CASZ1: variants seen among roughly 807,000 people sequenced by gnomAD.
CASZ1 encodes the protein zinc finger protein castor homolog 1.
A neutral mutation model predicts 135.2 loss-of-function variants in CASZ1; 28 were observed. The ratio of observed to expected loss-of-function variants is 0.21; its 90% CI spans 0.15 to 0.28. The LOEUF (loss-of-function observed/expected upper bound fraction) is 0.28, where lower values mean the gene tolerates loss of function less well. Among genes scored for constraint, CASZ1 ranks in the 10% least tolerant of loss-of-function variants. CASZ1 has a pLI of 1.00. For synonymous variants in CASZ1, 1,068 were observed against 1,073.4 expected (o/e 0.99, Z 0.10); for missense variants, 2,161 against 2,453.3 (o/e 0.88, Z 2.52).
chr1:10,661,044 C>T (rs1224638356), intron 5 of CASZ1: 1 of 184,724 alleles, frequency 5.4e-6, no homozygotes, highest in Non-Finnish European at 1.1e-5. Flanking sequence ...CCTCCCTTGA[C>T]CCCACAAATG....
chr1:10,642,757 G>A lies in CASZ1; in HGVS notation c.4162+102C>T, dbSNP rs35619052. On this transcript the variant is annotated intron_variant, in intron 20 of 20. Transcript: ENST00000377022. ...TGCTGCACGCCAGCCTGTCCTCCTC[G>A]GAGGCCGCGTGCCCCGGACCTTCTG... 344,126 of 1,348,820 alleles carry A rather than the reference G, an allele frequency of 0.26. 48,223 individuals are homozygous for A. Among genetic ancestry groups the A allele is most frequent in the Non-Finnish European group, 0.29 (287,473 of 993,974 alleles). 83.6% of individuals were successfully genotyped at this position (1,348,820 alleles called of 1,614,324 possible).
Position 10,719,446 on chromosome 1 carries a change from T to A in CASZ1, c.-76-13902A>T, listed in dbSNP as rs1639455825. On this transcript the variant is annotated intron_variant, in intron 2 of 20. Transcript: ENST00000377022. This position sits in a 1 kb window ranked among gnomAD's most constrained non-coding sequence, Gnocchi z 4.0. ...CAAGGGACCCTGAAATTCAAGGTGA[T>A]GTCCTAAGGCTGCACACGCCATGCA... is the stretch of plus-strand genomic sequence containing the variant. Among the ~76,000 whole-genome samples the A allele has an allele frequency of 6.6e-6, 1 of 152,326 alleles. No homozygotes were observed. The highest frequency in any genetic ancestry group is 3.4e-3 in the Middle Eastern group (1 of 294).
chr1:10,723,806 C>T (rs955987478), intron 2 of CASZ1, among the ~76,000 whole-genome samples: 3 of 152,186 alleles, frequency 2.0e-5, no homozygotes, highest in Admixed American at 1.3e-4. Flanking sequence ...ACATTTCCCT[C>T]TAACTCCCCC....
chr1:10,674,636 C>T (rs569782160), intron 4 of CASZ1, among the ~76,000 whole-genome samples: 11 of 152,220 alleles, frequency 7.2e-5, no homozygotes, highest in Admixed American at 5.9e-4. Flanking sequence ...GCAGAGCACA[C>T]GGTGCCTCCC....
chr1:10,683,372 C>T (rs1271506785), intron 4 of CASZ1, among the ~76,000 whole-genome samples: 1 of 152,186 alleles, frequency 6.6e-6, no homozygotes, highest in Non-Finnish European at 1.5e-5. Context: ...CAGCCTAAAA[C>T]CCCACCTGGG....
At chr1:10,640,370 G>A (rs1339239103) in intron 20 of CASZ1, among the ~76,000 whole-genome samples, 1 of 152,232 alleles carries the variant, frequency 6.6e-6, no homozygotes, top group Non-Finnish European at 1.5e-5. Flanking sequence ...GGTGGGAAGT[G>A]AGGACACGTC....
rs1297410816 is a variant in CASZ1 at position 10,709,853 on chromosome 1, C to T, written c.-76-4309G>A. On this transcript the variant is annotated intron_variant, in intron 2 of 20. Transcript: ENST00000377022. The surrounding 1 kb of genome is among the most constrained non-coding windows in gnomAD (Gnocchi z 5.1). Reference sequence around the variant, plus strand: ...GCAGTTAGCAGGACAATGAGGGGGCCGGCGGCCCGCACAGGCCAGCAGGTG... The same window carrying T: ...GCAGTTAGCAGGACAATGAGGGGGCTGGCGGCCCGCACAGGCCAGCAGGTG... Among the ~76,000 whole-genome samples, 1 of 152,130 alleles carries T rather than the reference C, an allele frequency of 6.6e-6. No individual in the cohort carries two copies. The highest frequency in any genetic ancestry group is 1.5e-5 in the Non-Finnish European group (1 of 68,018).
intron 1 of CASZ1, among the ~76,000 whole-genome samples, chr1:10,786,735 A>G (rs992701220): frequency 3.3e-5 from 5 of 152,170 alleles, no homozygotes; most frequent in East Asian, 1.9e-4. Flanking sequence ...CACCATCTAC[A>G]CTATATACAG....
In CASZ1 at chr1:10,694,410, G is replaced by A; in HGVS notation, c.-23-498C>T. 1 of 735,138 alleles carries A rather than the reference G, an allele frequency of 1.4e-6. No homozygotes were observed. Among genetic ancestry groups the A allele is most frequent in the Non-Finnish European group, 1.8e-6 (1 of 555,734 alleles). 45.5% of individuals were successfully genotyped at this position (735,138 alleles called of 1,614,324 possible). ...GAATAACAAGTTGTTTTAAAGCCCTGATGTCATTGCTCCTGCCGGTAACAC... is the reference window on the plus strand; with the variant it reads ...GAATAACAAGTTGTTTTAAAGCCCTAATGTCATTGCTCCTGCCGGTAACAC... On this transcript the variant is annotated intron_variant, in intron 3 of 20. Transcript: ENST00000377022. The surrounding 1 kb of genome is among the most constrained non-coding windows in gnomAD (Gnocchi z 6.6).
In CASZ1 at chr1:10,695,743, G is replaced by A. The variant is rs1255002137; in HGVS notation, c.-23-1831C>T. Among the ~76,000 whole-genome samples the A allele has an allele frequency of 2.0e-5, 3 of 152,114 alleles. No individual in the cohort carries two copies. In the East Asian group the frequency reaches 5.8e-4, roughly 29 times the overall value. ...GAGGGTTCTCCCCTCCATGAACCGT[G>A]CACCATGGGACATCCCCAGATGTCC... On this transcript the variant is annotated intron_variant, in intron 3 of 20. Coordinates refer to ENST00000377022, the MANE Select transcript of CASZ1 (RefSeq NM_001079843.3).
chr1:10,722,542 T>C (rs1478242097), intron 2 of CASZ1, among the ~76,000 whole-genome samples: 1 of 152,186 alleles, frequency 6.6e-6, no homozygotes, highest in Non-Finnish European at 1.5e-5. Context: ...TATCTTCCTA[T>C]CACCTTCCCA....
rs1338525831 is a variant in CASZ1 at position 10,794,521 on chromosome 1, G to A, written c.-234+2043C>T. Reference sequence around the variant, plus strand: ...GGAGAGGCGCTACTGCCGCTTTTCCGGTGGGCACGCACCCGCACCCGCACC... The same window carrying A: ...GGAGAGGCGCTACTGCCGCTTTTCCAGTGGGCACGCACCCGCACCCGCACC... On this transcript the variant is annotated intron_variant, in intron 1 of 20. Transcript: ENST00000377022. This position sits in a 1 kb window ranked among gnomAD's most constrained non-coding sequence, Gnocchi z 5.6. Among the ~76,000 whole-genome samples, 1 of 152,106 alleles carries A rather than the reference G, an allele frequency of 6.6e-6. No individual in the cohort carries two copies. Among genetic ancestry groups the A allele is most frequent in the Non-Finnish European group, 1.5e-5 (1 of 68,014 alleles).
chr1:10,771,669 C>CTCCTCCTCCTCCTCT (rs1179135441), intron 1 of CASZ1, among the ~76,000 whole-genome samples: 1 of 152,050 alleles, frequency 6.6e-6, no homozygotes, highest in Non-Finnish European at 1.5e-5. Flanking sequence ...CCTCCTCCTC[C>CTCCTCCTCCTCCTCT]TCCTCCTCCT....
intron 2 of CASZ1, among the ~76,000 whole-genome samples, chr1:10,716,037 A>ACCCACAGCACCCAATCCGCAC (rs1287859641): frequency 8.4e-4 from 12 of 14,264 alleles, no homozygotes; most frequent in Non-Finnish European, 1.7e-3. Flanking sequence ...CCAATCCACA[A>ACCCACAGCACCCAATCCGCAC]CCCACAGCAC....
rs1232820889 is a variant in CASZ1 at position 10,679,026 on chromosome 1, G to A, written c.17-13455C>T. ...GTGAGCCAGCCCACCCCTGGCTTCCGCTCTCTGGCTATCTCTGGCCTATGC... is the reference window on the plus strand; with the variant it reads ...GTGAGCCAGCCCACCCCTGGCTTCCACTCTCTGGCTATCTCTGGCCTATGC... On this transcript the variant is annotated intron_variant, in intron 4 of 20. Coordinates refer to ENST00000377022, the MANE Select transcript of CASZ1 (RefSeq NM_001079843.3). The surrounding 1 kb of genome is among the most constrained non-coding windows in gnomAD (Gnocchi z 4.7). Among the ~76,000 whole-genome samples the A allele has an allele frequency of 2.0e-5, 3 of 152,010 alleles. No individual in the cohort carries two copies. Among genetic ancestry groups the A allele is most frequent in the African/African-American group, 4.8e-5 (2 of 41,384 alleles).
At chr1:10,651,771 C>T (rs1642597777) in intron 11 of CASZ1, 1 of 152,270 alleles carries the variant, frequency 6.6e-6, no homozygotes. Flanking sequence ...TATGAATTTG[C>T]CCCAAGGTGC....
chr1:10,645,015 G>A lies in CASZ1; in HGVS notation c.3770C>T (p.Thr1257Ile), dbSNP rs1570400287. The change falls in exon 18 of 21, where the codon ACC becomes ATC. Residue 1257 changes from threonine (T) to isoleucine (I), a missense_variant. By Grantham distance (89) the Thr-to-Ile change is moderately conservative (BLOSUM62 -1). Around this residue, in one of 7 missense-constraint regions of CASZ1, gnomAD observed 349 missense variants for 460.8 expected, o/e 0.76. Transcript: ENST00000377022. ...TGCYFVTNIT[T>I]KLPWHIKKHE... ...CTTCTTGATGTGCCAGGGGAGCTTG[G>A]TGGTGATGTTGGTCACAAAATAGCA... is the stretch of plus-strand genomic sequence containing the variant. 1 of 1,614,090 alleles carries A rather than the reference G, an allele frequency of 6.2e-7. No homozygotes were observed. The highest frequency in any genetic ancestry group is 8.5e-7 in the Non-Finnish European group (1 of 1,180,024).
intron 1 of CASZ1, among the ~76,000 whole-genome samples, chr1:10,766,054 T>G (rs1640469264): frequency 1.3e-5 from 2 of 151,604 alleles, no homozygotes; most frequent in African/African-American, 4.9e-5. Flanking sequence ...GAAGCTTGGG[T>G]GAGGGGATGT....
rs538819781 is a variant in CASZ1, at chr1:10,666,268, G to T, written c.17-697C>A. On this transcript the variant is annotated intron_variant, in intron 4 of 20. Coordinates refer to ENST00000377022, the MANE Select transcript of CASZ1 (RefSeq NM_001079843.3). The surrounding 1 kb of genome is among the most constrained non-coding windows in gnomAD (Gnocchi z 5.2). ...TCTCCCAGCCACTCAGGACCCTCCC[G>T]AAGGCCTCCGTGTTCCTCAGTCTCC... 4.4e-4 allele frequency among the ~76,000 whole-genome samples: 67 copies of T among 152,258 alleles called. No individual in the cohort carries two copies. The highest frequency in any genetic ancestry group is 1.6e-3 in the African/African-American group (65 of 41,556).
Sources: gnomAD v4.1 joint callset for allele counts (sites outside exome capture counted in the v4.1 genomes callset) on GRCh38, gnomAD v4.1.1 for gene constraint, gnomAD v4.1.1 regional missense constraint, Gnocchi (gnomAD v3.1) non-coding constraint, MANE v1.5 for transcripts, NCBI Gene and HGNC (gene_info 2026-07-23, HGNC 2026-07-21) for gene names.